PLXNB1: variants seen among roughly 807,000 people sequenced by gnomAD.
The protein encoded by PLXNB1 is plexin-B1.
In PLXNB1, 106 loss-of-function variants were observed where a neutral mutation model predicts 209.4. That is an observed-to-expected ratio of 0.51 (90% confidence interval 0.43 to 0.59). The LOEUF (loss-of-function observed/expected upper bound fraction) is 0.59. Ranked by LOEUF, PLXNB1 falls within the 20% of genes least tolerant of loss-of-function variation. The pLI is 0.00. For missense variants in PLXNB1, 2,357 were observed against 2,853.2 expected, an observed-to-expected ratio of 0.83 and a Z score of 3.96; for synonymous variants, 1,167 against 1,183.2, an observed-to-expected ratio of 0.99 and a Z score of 0.28.
rs1179274410 is a variant in PLXNB1 at position 48,423,763 on chromosome 3, C to T, written c.849G>A (p.Thr283=). The change falls in exon 3 of 38, where the codon ACG becomes ACA. Residue 283 remains threonine (T), a synonymous_variant. Transcript: ENST00000296440. ...CCTCCCCATGCGCCACCTCCCTGGA[C>T]GTGGCCACAGCTGCAGCCTGGATCA... The part of the protein sequence containing the change: ...YGLIQAAAVA[T]SREVAHGEVL... 10 of 1,613,838 alleles carry T rather than the reference C, an allele frequency of 6.2e-6. No homozygotes were observed. The highest frequency in any genetic ancestry group is 1.6e-4 in the Middle Eastern group (1 of 6,084).
At chr3:48,420,309 G>A (rs975820093) in intron 10 of PLXNB1, 52 bp from the exon 11 acceptor site, 32 of 1,062,764 alleles carry the variant, frequency 3.0e-5, no homozygotes, top group South Asian at 5.7e-5. Context: ...AGGCAGGCGC[G>A]GGACAGGAGG....
Position 48,424,227 on chromosome 3 carries a change from G to C in PLXNB1, c.385C>G (p.Gln129Glu), listed in dbSNP as rs1224173606. The C allele has an allele frequency of 6.2e-7, 1 of 1,601,752 alleles. No individual in the cohort carries two copies. Among genetic ancestry groups the C allele is most frequent in the African/African-American group, 1.3e-5 (1 of 74,636 alleles). The change falls in exon 3 of 38, where the codon CAG becomes GAG. Residue 129 changes from glutamine to glutamate, a missense_variant. Physicochemically the swap from Gln to Glu is conservative, Grantham distance 29 (BLOSUM62 2). This residue lies in a region of PLXNB1 where 107 missense variants were observed against 167.2 expected (regional missense o/e 0.64). Coordinates refer to ENST00000296440, the MANE Select transcript of PLXNB1 (RefSeq NM_001130082.3). Reference protein sequence around the residue: ...CEQRRLGQLEQLLLRPERPGD... With the variant: ...CEQRRLGQLEELLLRPERPGD... ...GGCCGCTCTGGCCGCAGCAGCAGCT[G>C]CTCGAGCTGCCCCAGGCGCCGCTGT...
Position 48,419,364 on chromosome 3 carries a change from T to C in PLXNB1, c.2712A>G (p.Glu904=). The change falls in exon 12 of 38, where the codon GAA becomes GAG. Residue 904 remains glutamate, a splice_region_variant and synonymous_variant. Transcript: ENST00000296440. This position sits in a 1 kb window ranked among gnomAD's most constrained non-coding sequence, Gnocchi z 5.7. Reference sequence around the variant, plus strand: ...AGGAGCTTGCCCCCAAGGTCGCCTCTTCCTGCAGGCACCAAGGGCAAGGCA... The same window carrying C: ...AGGAGCTTGCCCCCAAGGTCGCCTCCTCCTGCAGGCACCAAGGGCAAGGCA... ...QYDTPGLWEL[E]EATLGASSCP... 1.9e-6 allele frequency: 3 copies of C among 1,558,384 alleles called. No homozygotes were observed. Among genetic ancestry groups the C allele is most frequent in the Non-Finnish European group, 2.6e-6 (3 of 1,149,104 alleles).
chr3:48,407,201 A>G, intron 34 of PLXNB1, 110 bp from the exon 35 acceptor site: 3 of 982,104 alleles, frequency 3.1e-6, no homozygotes, highest in Non-Finnish European at 4.7e-6. Context: ...TTGAAAAGGA[A>G]AAGTCTCACA....
rs561724985 is a variant in PLXNB1, at chr3:48,419,966, C to T, written c.2320G>A (p.Ala774Thr). Residue 774 changes from alanine to threonine, a missense_variant, in exon 11 of 38, where the codon GCC (alanine) becomes ACC (threonine). Physicochemically the swap from Ala to Thr is moderately conservative, Grantham distance 58 (BLOSUM62 0). Transcript: ENST00000296440. The surrounding 1 kb of genome is among the most constrained non-coding windows in gnomAD (Gnocchi z 5.7). Reference protein sequence around the residue: ...PQNGPGTAVPAPTDFRPSATP... With the variant: ...PQNGPGTAVPTPTDFRPSATP... Reference sequence around the variant, plus strand: ...GCTGAGGGTCTGAAGTCAGTGGGGGCAGGGACAGCGGTTCCAGGTCCATTT... The same window carrying T: ...GCTGAGGGTCTGAAGTCAGTGGGGGTAGGGACAGCGGTTCCAGGTCCATTT... The T allele has an allele frequency of 3.2e-5, 50 of 1,584,758 alleles. 1 individual carries two copies. In the South Asian group the frequency reaches 5.4e-4, roughly 17 times the overall value.
Position 48,415,701 on chromosome 3 carries a change from C to A in PLXNB1, c.3676G>T (p.Ala1226Ser). The A allele has an allele frequency of 6.4e-7, 1 of 1,555,154 alleles. No homozygotes were observed. Among genetic ancestry groups the A allele is most frequent in the Non-Finnish European group, 8.7e-7 (1 of 1,148,826 alleles). Residue 1226 changes from alanine to serine, a missense_variant, in exon 19 of 38, where the codon GCC (alanine) becomes TCC (serine). Ala to Ser is a moderately conservative substitution (Grantham distance 99). This residue lies in a region of PLXNB1 where 743 missense variants were observed against 896.2 expected (regional missense o/e 0.83). Coordinates refer to ENST00000296440, the MANE Select transcript of PLXNB1 (RefSeq NM_001130082.3). This position sits in a 1 kb window ranked among gnomAD's most constrained non-coding sequence, Gnocchi z 5.0. Reference sequence around the variant, plus strand: ...AACCACACAGCCACAGGGAGCGTGGCAGGCGTGGGGCGTGGGCTGGTCTCA... The same window carrying A: ...AACCACACAGCCACAGGGAGCGTGGAAGGCGTGGGGCGTGGGCTGGTCTCA... ...RCETSPRPTP[A>S]TLPVAVWFGA...
In PLXNB1 at chr3:48,404,318, A is replaced by G. The variant is rs1560040699; in HGVS notation, c.*168T>C. The G allele has an allele frequency of 3.4e-6, 2 of 585,472 alleles. No homozygotes were observed. The highest frequency in any genetic ancestry group is 6.1e-6 in the Non-Finnish European group (2 of 330,296). The allele number at this position is 585,472 out of a possible 1,614,324, so 36.3% of individuals were successfully genotyped here. A position where few individuals can be genotyped will look rare whatever the true frequency, so the allele number is the denominator to read the frequency against. On this transcript the variant is annotated 3_prime_UTR_variant, in exon 38 of 38. Coordinates refer to ENST00000296440, the MANE Select transcript of PLXNB1 (RefSeq NM_001130082.3). Reference sequence around the variant, plus strand: ...TGAGCCTTGAGGCCCCGGGTCTAGGAGGTGGATCCAGCAGGGCCGAGGCCA... The same window carrying G: ...TGAGCCTTGAGGCCCCGGGTCTAGGGGGTGGATCCAGCAGGGCCGAGGCCA...
chr3:48,409,579 C>T lies in PLXNB1; in HGVS notation c.5931G>A (p.Lys1977=). ...ISDQDTIHIW[K]TNSLPLRFWI... ...ACCCAGCTCCACCCCACCTGTTGGT[C>T]TTCCAGATGTGGATGGTGTCCTGGT... The change falls in exon 33 of 38, where the codon AAG becomes AAA. Residue 1977 remains lysine, a synonymous_variant. Transcript: ENST00000296440. The surrounding 1 kb of genome is among the most constrained non-coding windows in gnomAD (Gnocchi z 5.8). 1 of 1,613,762 alleles carries T rather than the reference C, an allele frequency of 6.2e-7. No individual in the cohort carries two copies. Among genetic ancestry groups the T allele is most frequent in the South Asian group, 1.1e-5 (1 of 91,042 alleles).
Position 48,423,865 on chromosome 3 carries a change from A to G in PLXNB1, c.747T>C (p.Ser249=). 1 of 1,614,020 alleles carries G rather than the reference A, an allele frequency of 6.2e-7. No individual in the cohort carries two copies. The highest frequency in any genetic ancestry group is 1.3e-5 in the African/African-American group (1 of 75,044). ...AGTGCTGGTCCCGGAGACACACTCG[A>G]GATACATAGGCACGAAAAGCTCTAG... ...AQSRAFRAYV[S]RVCLRDQHYY... The change falls in exon 3 of 38, where the codon TCT becomes TCC. Residue 249 remains serine, a synonymous_variant. Coordinates refer to ENST00000296440, the MANE Select transcript of PLXNB1 (RefSeq NM_001130082.3).
chr3:48,407,001 C>T, intron 35 of PLXNB1, 26 bp downstream of exon 35: 2 of 1,613,348 alleles, frequency 1.2e-6, no homozygotes, highest in Non-Finnish European at 1.7e-6. Flanking sequence ...CGCCCTCCAA[C>T]CTCTACCCAC....
chr3:48,422,603 T>G, intron 4 of PLXNB1, 144 bp from the exon 5 acceptor site: 1 of 1,257,138 alleles, frequency 8.0e-7, no homozygotes, highest in Non-Finnish European at 1.1e-6. Flanking sequence ...CTAGCGGGGA[T>G]GGAGGAAAGT....
In PLXNB1 at chr3:48,428,874, A is replaced by C. The variant is rs374999979; in HGVS notation, c.-60+1134T>G. 1.7e-4 allele frequency among the ~76,000 whole-genome samples: 24 copies of C among 137,728 alleles called. No individual in the cohort carries two copies. The South Asian group carries it at 6.1e-3, about 35-fold the overall frequency. 90.4% of individuals were successfully genotyped at this position (137,728 alleles called of 152,430 possible). A position where few individuals can be genotyped will look rare whatever the true frequency, so the allele number is the denominator to read the frequency against. On this transcript the variant is annotated intron_variant, in intron 1 of 37. Transcript: ENST00000296440. ...CGCCTTTGTCAGTCCCACCGGGAGC[A>C]GCCAGAAAGGGCTGTTACTACTGAG...
At chr3:48,423,231 A>G (rs1355470450) in intron 3 of PLXNB1, among the ~76,000 whole-genome samples, 1 of 150,776 alleles carries the variant, frequency 6.6e-6, no homozygotes, top group Non-Finnish European at 1.5e-5. Flanking sequence ...CTACCCAAGA[A>G]CCCCCAAACA....
Position 48,405,881 on chromosome 3 carries a change from C to T in PLXNB1, c.6229-83G>A, listed in dbSNP as rs570141290. 2.1e-4 allele frequency: 235 copies of T among 1,117,096 alleles called. No individual in the cohort carries two copies. The highest frequency in any genetic ancestry group is 4.8e-4 in the Middle Eastern group (2 of 4,184). 69.2% of individuals were successfully genotyped at this position (1,117,096 alleles called of 1,614,324 possible). A position where few individuals can be genotyped will look rare whatever the true frequency, so the allele number is the denominator to read the frequency against. ...GGCAGCCCAGGACCCCAGGGAAGGGCTGGGGGAGAAGGGGACCTGAGAGGT... is the reference window on the plus strand; with the variant it reads ...GGCAGCCCAGGACCCCAGGGAAGGGTTGGGGGAGAAGGGGACCTGAGAGGT... On this transcript the variant is annotated intron_variant, in intron 36 of 37. Coordinates refer to ENST00000296440, the MANE Select transcript of PLXNB1 (RefSeq NM_001130082.3). The surrounding 1 kb of genome is among the most constrained non-coding windows in gnomAD (Gnocchi z 5.0).
chr3:48,416,244 C>A lies in PLXNB1; in HGVS notation c.3481-77G>T. On this transcript the variant is annotated intron_variant, in intron 17 of 37. Transcript: ENST00000296440. This position sits in a 1 kb window ranked among gnomAD's most constrained non-coding sequence, Gnocchi z 4.1. ...AGGGACAGCCTGAGAGACAGGCTGG[C>A]CCAGGACTGGGAGCCCCACCAAGGA... 6.5e-7 allele frequency: 1 copy of A among 1,549,696 alleles called. No individual in the cohort carries two copies.
At chr3:48,407,233 C>G (rs1027389574) in intron 34 of PLXNB1, 142 bp from the exon 35 acceptor site, 1 of 736,946 alleles carries the variant, frequency 1.4e-6, no homozygotes, top group Non-Finnish European at 2.3e-6. Flanking sequence ...CCCTGAGTCC[C>G]GGAAAACCAG....
rs2038718684 is a variant in PLXNB1 at position 48,423,900 on chromosome 3, G to T, written c.712C>A (p.Gln238Lys). 1.2e-6 allele frequency: 2 copies of T among 1,613,934 alleles called. No individual in the cohort carries two copies. The highest frequency in any genetic ancestry group is 3.3e-5 in the Admixed American group (2 of 60,022). Reference sequence around the variant, plus strand: ...GCACGAAAAGCTCTAGACTGAGCCTGCAGGTCCCGCCGCAGGAACAGGAAG... The same window carrying T: ...GCACGAAAAGCTCTAGACTGAGCCTTCAGGTCCCGCCGCAGGAACAGGAAG... Reference protein sequence around the residue: ...AYFLFLRRDLQAQSRAFRAYV... With the variant: ...AYFLFLRRDLKAQSRAFRAYV... Residue 238 changes from glutamine (Q) to lysine (K), a missense_variant, in exon 3 of 38, where the codon CAG becomes AAG. Coordinates refer to ENST00000296440, the MANE Select transcript of PLXNB1 (RefSeq NM_001130082.3).
In PLXNB1 at chr3:48,419,514, G is replaced by A. The variant is rs2038343045; in HGVS notation, c.2709+63C>T. 6.5e-7 allele frequency: 1 copy of A among 1,527,646 alleles called. No homozygotes were observed. The highest frequency in any genetic ancestry group is 1.7e-4 in the Middle Eastern group (1 of 5,740). The allele number at this position is 1,527,646 out of a possible 1,614,324, so 94.6% of individuals were successfully genotyped here. A position where few individuals can be genotyped will look rare whatever the true frequency, so the allele number is the denominator to read the frequency against. On this transcript the variant is annotated intron_variant, in intron 11 of 37. Transcript: ENST00000296440. The surrounding 1 kb of genome is among the most constrained non-coding windows in gnomAD (Gnocchi z 5.7). ...CTCCCAGTGCAGAATCACAAGGCAA[G>A]CTAGGGGTAGCATCTTCCCCACATC...
chr3:48,404,364 G>A lies in PLXNB1; in HGVS notation c.*122C>T, dbSNP rs111720742. The A allele has an allele frequency of 3.2e-6, 2 of 632,524 alleles. No homozygotes were observed. Among genetic ancestry groups the A allele is most frequent in the African/African-American group, 3.7e-5 (2 of 54,354 alleles). The allele number at this position is 632,524 out of a possible 1,614,324, so 39.2% of individuals were successfully genotyped here. A position where few individuals can be genotyped will look rare whatever the true frequency, so the allele number is the denominator to read the frequency against. ...GGCCAGAGCCACCAGGAGACTGGGA[G>A]TCACCTTCCACTAACTCTGCTTGTC... On this transcript the variant is annotated 3_prime_UTR_variant, in exon 38 of 38. Transcript: ENST00000296440.
Sources: allele counts gnomAD v4.1 joint callset (sites outside exome capture counted in the v4.1 genomes callset), GRCh38; gene constraint gnomAD v4.1.1; regional missense constraint gnomAD v4.1.1; non-coding constraint Gnocchi (gnomAD v3.1); transcripts MANE v1.5; gene names NCBI Gene and HGNC (gene_info 2026-07-23, HGNC 2026-07-21).